The following RET variants were observed in gnomAD, a reference collection of about 807,000 sequenced individuals.
RET encodes ret proto-oncogene.
In RET, 19 loss-of-function variants were observed where a neutral mutation model predicts 118.3. That is an observed-to-expected ratio of 0.16 (90% CI 0.11 to 0.24). The LOEUF (loss-of-function observed/expected upper bound fraction) is 0.24. RET is among the 10% of genes least tolerant of loss of function. The pLI is 1.00. For missense variants in RET, 1,219 were observed against 1,502.1 expected, an observed-to-expected ratio of 0.81 and a Z score of 3.12; for synonymous variants, 597 against 644.1, an observed-to-expected ratio of 0.93 and a Z score of 1.11.
intron 1 of RET, among the ~76,000 whole-genome samples, chr10:43,090,020 G>A (rs548708754): frequency 4.6e-4 from 70 of 152,228 alleles, no homozygotes; most frequent in Non-Finnish European, 6.9e-4. Context: ...CAGGCTGAGC[G>A]AGCGAGCACC....
intron 1 of RET, among the ~76,000 whole-genome samples, chr10:43,097,676 T>C (rs1837549933): frequency 6.6e-6 from 1 of 152,212 alleles, no homozygotes; most frequent in South Asian, 2.1e-4. Flanking sequence ...GGAGCAGTGT[T>C]CCTGATGTAC....
intron 1 of RET, among the ~76,000 whole-genome samples, chr10:43,088,298 A>T (rs574088583): frequency 7.0e-6 from 1 of 141,890 alleles, no homozygotes; most frequent in Non-Finnish European, 1.5e-5. Context: ...GTGGTGGTGG[A>T]GGTCATGATG....
In RET at chr10:43,106,098, G is replaced by A. The variant is rs529328773; in HGVS notation, c.868-278G>A. On this transcript the variant is annotated intron_variant, in intron 4 of 19. Coordinates refer to ENST00000355710, the MANE Select transcript of RET (RefSeq NM_020975.6). This position sits in a 1 kb window ranked among gnomAD's most constrained non-coding sequence, Gnocchi z 5.1. ...GACCTGGATGGGACCTGCCAGCAGG[G>A]TGCCTGGGCATCGGCTGTAATTCTC... 4.6e-5 allele frequency among the ~76,000 whole-genome samples: 7 copies of A among 152,336 alleles called. No homozygotes were observed. In the East Asian group the frequency reaches 1.4e-3, roughly 29 times the overall value.
intron 1 of RET, among the ~76,000 whole-genome samples, chr10:43,089,975 G>A (rs981590257): frequency 1.3e-5 from 2 of 152,246 alleles, no homozygotes; most frequent in Admixed American, 1.3e-4. Context: ...CAGGTGGAGA[G>A]GACAGGGATG....
At position 43,126,702 on chromosome 10, in the gene RET, G is replaced by T. The variant is rs1425454966; in HGVS notation, c.3167G>T (p.Trp1056Leu). The T allele has an allele frequency of 6.2e-7, 1 of 1,613,958 alleles. No homozygotes were observed. The highest frequency in any genetic ancestry group is 1.1e-5 in the South Asian group (1 of 91,064). Residue 1056 changes from tryptophan (W) to leucine (L), a missense_variant, in exon 19 of 20, where the codon TGG becomes TTG. This residue lies in a region of RET where 174 missense variants were observed against 179.3 expected (regional missense o/e 0.97). Transcript: ENST00000355710. ...APLPRALPST[W>L]IENKLYGMSD... The stretch of plus-strand genomic sequence containing the variant: ...CTCCCTCGAGCCCTCCCTTCCACAT[G>T]GATTGAAAACAAACTCTATGGTAGA...
In RET at chr10:43,106,526, G is replaced by T. The variant is rs367737920; in HGVS notation, c.1018G>T (p.Val340Phe). Residue 340 changes from valine (V) to phenylalanine (F), a missense_variant, in exon 5 of 20, where the codon GTC (valine) becomes TTC (phenylalanine). Physicochemically the swap from Val to Phe is conservative, Grantham distance 50. Coordinates refer to ENST00000355710, the MANE Select transcript of RET (RefSeq NM_020975.6). The surrounding 1 kb of genome is among the most constrained non-coding windows in gnomAD (Gnocchi z 5.1). Reference protein sequence around the residue: ...RVEHWPNETSVQANGSFVRAT... With the variant: ...RVEHWPNETSFQANGSFVRAT... ...GGAACACTGGCCCAACGAGACCTCGGTCCAGGCCAACGGCAGCTTCGTGCG... is the reference window on the plus strand; with the variant it reads ...GGAACACTGGCCCAACGAGACCTCGTTCCAGGCCAACGGCAGCTTCGTGCG... The T allele has an allele frequency of 4.3e-6, 7 of 1,613,710 alleles. No homozygotes were observed. In the African/African-American group the frequency reaches 5.3e-5, roughly 12 times the overall value.
intron 8 of RET, among the ~76,000 whole-genome samples, chr10:43,112,485 G>A: frequency 6.6e-6 from 1 of 152,188 alleles, no homozygotes; most frequent in South Asian, 2.1e-4. Context: ...GATGTGCTGG[G>A]GACAGAATGG....
chr10:43,099,350 G>T (rs1226620773), intron 1 of RET, among the ~76,000 whole-genome samples: 2 of 151,786 alleles, frequency 1.3e-5, no homozygotes, highest in Non-Finnish European at 2.9e-5. Flanking sequence ...TCTCTACTAA[G>T]AAAATACAAA....
chr10:43,125,068 G>T, intron 18 of RET, 86 bp downstream of exon 18: 1 of 1,251,792 alleles, frequency 8.0e-7, no homozygotes, highest in South Asian at 1.2e-5. Flanking sequence ...TTAGCCCTCA[G>T]AGTTCCCAGT....
intron 1 of RET, among the ~76,000 whole-genome samples, chr10:43,078,833 A>G (rs1014545516): frequency 1.4e-4 from 22 of 152,338 alleles, no homozygotes; most frequent in Middle Eastern, 3.4e-3. Flanking sequence ...CCTGGCCCAC[A>G]GACAGCTTCC....
Position 43,127,184 on chromosome 10 carries a change from C to T in RET, c.3187+462C>T, listed in dbSNP as rs977656214. 1.3e-5 allele frequency: 14 copies of T among 1,091,200 alleles called. No individual in the cohort carries two copies. In the Admixed American group the frequency reaches 6.7e-4, roughly 52 times the overall value. The allele number at this position is 1,091,200 out of a possible 1,614,324, so 67.6% of individuals were successfully genotyped here. ...TTCCCCCAGACCCCTCCTGGGCAGG[C>T]AGGTGCCTCTCAGAGGCCACCCGGC... On this transcript the variant is annotated intron_variant, in intron 19 of 19. Transcript: ENST00000355710.
chr10:43,086,427 G>A (rs1239097943), intron 1 of RET, among the ~76,000 whole-genome samples: 1 of 152,138 alleles, frequency 6.6e-6, no homozygotes, highest in Non-Finnish European at 1.5e-5. Flanking sequence ...TTTGCACATG[G>A]ACATGATCTG....
intron 1 of RET, among the ~76,000 whole-genome samples, chr10:43,082,152 C>G (rs1837199002): frequency 6.6e-6 from 1 of 152,186 alleles, no homozygotes. Context: ...CACCCTGAGA[C>G]TGCAGGCAGG....
chr10:43,090,532 GC>G (rs1269562991), intron 1 of RET, among the ~76,000 whole-genome samples: 6 of 152,180 alleles, frequency 3.9e-5, no homozygotes, highest in Admixed American at 1.3e-4. Flanking sequence ...CCTCCTGGGG[GC>G]TCAGGCACAA....
rs899845677 is a variant in RET at position 43,127,289 on chromosome 10, G to C, written c.3187+567G>C. On this transcript the variant is annotated intron_variant, in intron 19 of 19. Transcript: ENST00000355710. ...CATCAGGGGTAGCGAGGTTGCAGGA[G>C]CTGGCTGGCCCTGGGAGGACGCACC... is the stretch of plus-strand genomic sequence containing the variant. 4.2e-5 allele frequency: 45 copies of C among 1,070,486 alleles called. No individual in the cohort carries two copies. In the Middle Eastern group the frequency reaches 1.2e-3, roughly 29 times the overall value. 66.3% of individuals were successfully genotyped at this position (1,070,486 alleles called of 1,614,324 possible).
At chr10:43,104,297 C>A (rs1248797127) in intron 3 of RET, among the ~76,000 whole-genome samples, 1 of 149,952 alleles carries the variant, frequency 6.7e-6, no homozygotes, top group East Asian at 2.0e-4. Context: ...AAAAAAAAAA[C>A]CTAACAGTTT....
chr10:43,128,120 G>C lies in RET; in HGVS notation c.3196G>C (p.Asp1066His), dbSNP rs180700967. ...WIENKLYGMS[D>H]PNWPGESPVP... ...TCTGTTTTCATTTTTAGGCATGTCA[G>C]ACCCGAACTGGCCTGGAGAGAGTCC... is the stretch of plus-strand genomic sequence containing the variant. Residue 1066 changes from aspartate to histidine, a missense_variant, in exon 20 of 20, where the codon GAC (aspartate) becomes CAC (histidine). This residue lies in a region of RET where 174 missense variants were observed against 179.3 expected (regional missense o/e 0.97). Transcript: ENST00000355710. The C allele has an allele frequency of 1.9e-6, 3 of 1,614,192 alleles. No individual in the cohort carries two copies. The Admixed American group carries it at 5.0e-5, about 27-fold the overall frequency.
rs1837699010 is a variant in RET, at chr10:43,103,961, C to A, written c.626-991C>A. Among the ~76,000 whole-genome samples the A allele has an allele frequency of 2.6e-5, 4 of 152,180 alleles. No homozygotes were observed. The South Asian group carries it at 8.3e-4, about 31-fold the overall frequency. On this transcript the variant is annotated intron_variant, in intron 3 of 19. Transcript: ENST00000355710. The stretch of plus-strand genomic sequence containing the variant: ...GCATGCCCCCTTTTCTGGATTATTT[C>A]TGGAGGACAAATCCGAGGTCAGGCT...
chr10:43,122,113 A>G, intron 16 of RET, 97 bp downstream of exon 16: 2 of 947,108 alleles, frequency 2.1e-6, no homozygotes, highest in Non-Finnish European at 3.5e-6. Context: ...TTGGCCAGGG[A>G]ATTGCACTGG....
Sources: gnomAD v4.1 joint callset for allele counts (sites outside exome capture counted in the v4.1 genomes callset) on GRCh38, gnomAD v4.1.1 for gene constraint, gnomAD v4.1.1 regional missense constraint, Gnocchi (gnomAD v3.1) non-coding constraint, MANE v1.5 for transcripts, NCBI Gene and HGNC (gene_info 2026-07-23, HGNC 2026-07-21) for gene names.